The following CELSR2 variants were observed in gnomAD, a reference collection of about 807,000 sequenced individuals.
CELSR2 encodes cadherin EGF LAG seven-pass G-type receptor 2.
In CELSR2, 81 loss-of-function variants were observed where a neutral mutation model predicts 251.6. That is an observed-to-expected ratio of 0.32 (90% CI 0.27 to 0.39). The LOEUF (loss-of-function observed/expected upper bound fraction) is 0.39, where lower values mean the gene tolerates loss of function less well. CELSR2 is among the 10% of genes least tolerant of loss of function. The probability of loss-of-function intolerance (pLI) is 1.00; values close to 1 mark genes in which losing one functional copy is unlikely to be tolerated. For missense variants in CELSR2, 3,365 were observed against 3,947.7 expected (o/e 0.85, Z 3.96); for synonymous variants, 1,721 against 1,670.5 (o/e 1.03, Z -0.74).
At position 109,262,311 on chromosome 1, in the gene CELSR2, C is replaced by A. The variant is rs539222308; in HGVS notation, c.4411C>A (p.Pro1471Thr). ...GCCACTGTTGGGTCAGACAGGGCTC[C>A]CACAGGGCCCATCAGAGCAGAAGGT... Reference protein sequence around the residue: ...NKPLLGQTGLPQGPSEQKVAV... With the variant: ...NKPLLGQTGLTQGPSEQKVAV... Residue 1471 changes from proline to threonine, a missense_variant, in exon 6 of 34, where the codon CCA (proline) becomes ACA (threonine). Transcript: ENST00000271332. The A allele has an allele frequency of 1.1e-5, 17 of 1,614,110 alleles. No individual in the cohort carries two copies. The East Asian group carries it at 3.8e-4, about 36-fold the overall frequency.
Position 109,251,698 on chromosome 1 carries a change from TG to T in CELSR2, c.1621del (p.Glu541AsnfsTer40). On this transcript the variant is annotated frameshift_variant, in exon 1 of 34. Coordinates refer to ENST00000271332, the MANE Select transcript of CELSR2 (RefSeq NM_001408.3). LOFTEE classifies it high-confidence loss of function. This position sits in a 1 kb window ranked among gnomAD's most constrained non-coding sequence, Gnocchi z 4.9. ...IDADAGDNAR[L>X]EYRLAGVGHD... is the part of the protein sequence containing the mutation. ...GCTGATGCTGGTGACAATGCCCGCC[TG>T]GAATACCGCCTTGCTGGGGTGGGAC... 1 of 1,614,106 alleles carries T rather than the reference TG, an allele frequency of 6.2e-7. No individual in the cohort carries two copies. Among genetic ancestry groups the T allele is most frequent in the Non-Finnish European group, 8.5e-7 (1 of 1,180,030 alleles).
chr1:109,272,757 C>A (rs1264886059), intron 30 of CELSR2, 29 bp downstream of exon 30: 14 of 1,613,278 alleles, frequency 8.7e-6, no homozygotes, highest in Non-Finnish European at 7.6e-6. Flanking sequence ...GGCCACCCAG[C>A]AGGGCAGTTG....
chr1:109,259,064 C>T lies in CELSR2; in HGVS notation c.3943C>T (p.Arg1315Cys). The T allele has an allele frequency of 1.3e-6, 2 of 1,589,378 alleles. No homozygotes were observed. Among genetic ancestry groups the T allele is most frequent in the South Asian group, 1.1e-5 (1 of 89,178 alleles). ...SREGGYTCLC[R>C]DGYTGEHCEV... ...CGAGGGCGGCTACACCTGCCTCTGT[C>T]GTGATGGCTACACGGGTGAGCCAAG... The change falls in exon 2 of 34, where the codon CGT becomes TGT. Residue 1315 changes from arginine to cysteine, a missense_variant. Around this residue, in one of 5 missense-constraint regions of CELSR2, gnomAD observed 2,093 missense variants for 2,382.8 expected, o/e 0.88. Transcript: ENST00000271332.
chr1:109,267,989 C>A lies in CELSR2; in HGVS notation c.6247C>A (p.Arg2083=). 6.2e-7 allele frequency: 1 copy of A among 1,610,700 alleles called. No individual in the cohort carries two copies. The highest frequency in any genetic ancestry group is 8.5e-7 in the Non-Finnish European group (1 of 1,179,698). The change falls in exon 17 of 34, where the codon CGG becomes AGG. Residue 2083 remains arginine, a synonymous_variant. Transcript: ENST00000271332. The part of the protein sequence containing the change: ...DVKVAYQLAT[R]LLAHESTQRG... ...CAAGGTGGCCTACCAGCTGGCCACGCGGCTGCTGGCCCACGAGAGCACCCA... is the reference window on the plus strand; with the variant it reads ...CAAGGTGGCCTACCAGCTGGCCACGAGGCTGCTGGCCCACGAGAGCACCCA...
intron 10 of CELSR2, 38 bp downstream of exon 10, chr1:109,264,403 C>T (rs45503591): frequency 1.3e-6 from 2 of 1,597,234 alleles, no homozygotes; most frequent in Admixed American, 1.7e-5. Flanking sequence ...CCCTCCCCCA[C>T]CACCTGCAGC....
rs751002324 is a variant in CELSR2, at chr1:109,269,037, A to G, written c.6631+29A>G. Reference sequence around the variant, plus strand: ...AGTGGTGGCCATGGATTGAGTTGGGAGCTGGACCCCAGTGTCTGTGCAGAC... The same window carrying G: ...AGTGGTGGCCATGGATTGAGTTGGGGGCTGGACCCCAGTGTCTGTGCAGAC... On this transcript the variant is annotated intron_variant, in intron 19 of 33. Coordinates refer to ENST00000271332, the MANE Select transcript of CELSR2 (RefSeq NM_001408.3). This position sits in a 1 kb window ranked among gnomAD's most constrained non-coding sequence, Gnocchi z 6.4. The G allele has an allele frequency of 4.8e-5, 77 of 1,602,710 alleles. No homozygotes were observed. Among genetic ancestry groups the G allele is most frequent in the Non-Finnish European group, 6.4e-5 (75 of 1,171,696 alleles).
At chr1:109,272,778 A>T in intron 30 of CELSR2, 50 bp downstream of exon 30, 2 of 1,612,980 alleles carry the variant, frequency 1.2e-6, no homozygotes, top group Non-Finnish European at 1.7e-6. Context: ...GCTGGCTTTT[A>T]CTGAAGGTGG....
chr1:109,252,368 C>T lies in CELSR2; in HGVS notation c.2289C>T (p.Asp763=). Residue 763 remains aspartate (D), a synonymous_variant, in exon 1 of 34, where the codon GAC becomes GAT. Transcript: ENST00000271332. The surrounding 1 kb of genome is among the most constrained non-coding windows in gnomAD (Gnocchi z 4.8). ...DSIPQFRIDA[D]TGAVTTQAEL... ...TCCCCCAGTTCCGCATCGATGCAGA[C>T]ACGGGGGCTGTCACCACCCAGGCTG... 6.2e-7 allele frequency: 1 copy of T among 1,613,062 alleles called. No homozygotes were observed. Among genetic ancestry groups the T allele is most frequent in the Non-Finnish European group, 8.5e-7 (1 of 1,180,022 alleles).
chr1:109,271,274 G>A lies in CELSR2; in HGVS notation c.7654G>A (p.Gly2552Ser). The A allele has an allele frequency of 6.2e-7, 1 of 1,614,028 alleles. No homozygotes were observed. Among genetic ancestry groups the A allele is most frequent in the Non-Finnish European group, 8.5e-7 (1 of 1,180,026 alleles). ...ARASCAAQRQ[G>S]FEKKGPVSGL... ...GGCCTCCTGTGCTGCCCAGCGGCAGGGCTTTGAGAAGAAAGGTCCTGTGTG... is the reference window on the plus strand; with the variant it reads ...GGCCTCCTGTGCTGCCCAGCGGCAGAGCTTTGAGAAGAAAGGTCCTGTGTG... Residue 2552 changes from glycine to serine, a missense_variant, in exon 26 of 34, where the codon GGC becomes AGC. Gly to Ser is a moderately conservative substitution (Grantham distance 56). This residue lies in a region of CELSR2 where 2,093 missense variants were observed against 2,382.8 expected (regional missense o/e 0.88). Transcript: ENST00000271332.
intron 18 of CELSR2, 44 bp downstream of exon 18, chr1:109,268,808 C>A (rs1230415147): frequency 6.3e-7 from 1 of 1,582,458 alleles, no homozygotes. Flanking sequence ...TGGAGGGAGT[C>A]CCCGACAAGA....
chr1:109,252,266 C>T lies in CELSR2; in HGVS notation c.2187C>T (p.Thr729=), dbSNP rs774211002. ...VNVNEDRPAG[T]TVVLISATDE... is the part of the protein sequence containing the mutation. ...TTAATGAGGACCGGCCGGCAGGCAC[C>T]ACGGTGGTGCTGATCAGCGCCACGG... Residue 729 remains threonine, a synonymous_variant, in exon 1 of 34, where the codon ACC becomes ACT. Transcript: ENST00000271332. The surrounding 1 kb of genome is among the most constrained non-coding windows in gnomAD (Gnocchi z 4.8). 1 of 1,613,222 alleles carries T rather than the reference C, an allele frequency of 6.2e-7. No homozygotes were observed. The highest frequency in any genetic ancestry group is 1.3e-5 in the African/African-American group (1 of 74,930).
rs1364821246 is a variant in CELSR2, at chr1:109,272,667, A to G, written c.8082A>G (p.Gln2694=). ...LREESALNPG[Q]GPPGLGDPGS... Reference sequence around the variant, plus strand: ...AGGAGTCCGCACTGAACCCTGGCCAAGGGCCCCCTGGCCTGGGGGATCCAG... The same window carrying G: ...AGGAGTCCGCACTGAACCCTGGCCAGGGGCCCCCTGGCCTGGGGGATCCAG... Residue 2694 remains glutamine (Q), a synonymous_variant, in exon 30 of 34, where the codon CAA becomes CAG. Coordinates refer to ENST00000271332, the MANE Select transcript of CELSR2 (RefSeq NM_001408.3). 8 of 1,613,614 alleles carry G rather than the reference A, an allele frequency of 5.0e-6. No individual in the cohort carries two copies. The highest frequency in any genetic ancestry group is 6.8e-6 in the Non-Finnish European group (8 of 1,179,850).
intron 2 of CELSR2, among the ~76,000 whole-genome samples, chr1:109,259,838 AAGGTCTTTAC>A (rs773588273): frequency 2.6e-5 from 4 of 152,084 alleles, no homozygotes; most frequent in Admixed American, 1.3e-4. Context: ...CCTGTCAGCC[AAGGTCTTTAC>A]ACATCCTGCT....
rs555080371 is a variant in CELSR2, at chr1:109,268,193, C to T, written c.6318+133C>T. On this transcript the variant is annotated intron_variant, in intron 17 of 33. Transcript: ENST00000271332. ...GGAGCTCCCTGCTGGCAGGAGGCCTCCATGAAACCCTGTGACCCCTGGCCC... is the reference window on the plus strand; with the variant it reads ...GGAGCTCCCTGCTGGCAGGAGGCCTTCATGAAACCCTGTGACCCCTGGCCC... The T allele has an allele frequency of 1.4e-5, 18 of 1,326,732 alleles. No homozygotes were observed. In the African/African-American group the frequency reaches 2.2e-4, roughly 16 times the overall value. 82.2% of individuals were successfully genotyped at this position (1,326,732 alleles called of 1,614,324 possible).
intron 1 of CELSR2, among the ~76,000 whole-genome samples, chr1:109,257,017 A>G (rs1655867241): frequency 6.6e-6 from 1 of 152,240 alleles, no homozygotes; most frequent in South Asian, 2.1e-4. Context: ...TGTCATCCAC[A>G]TCTCAGTGTT....
chr1:109,259,533 C>T lies in CELSR2; in HGVS notation c.3958+454C>T, dbSNP rs558786122. ...AGGTGTTGGCCTTGATTTAAGGGAA[C>T]GCTGAGATTGGGTGACTTGCTCCTG... On this transcript the variant is annotated intron_variant, in intron 2 of 33. Coordinates refer to ENST00000271332, the MANE Select transcript of CELSR2 (RefSeq NM_001408.3). 5.9e-5 allele frequency among the ~76,000 whole-genome samples: 9 copies of T among 152,242 alleles called. No individual in the cohort carries two copies. In the South Asian group the frequency reaches 1.2e-3, roughly 21 times the overall value.
intron 2 of CELSR2, among the ~76,000 whole-genome samples, chr1:109,260,021 G>A (rs112172017): frequency 0.069 from 10,404 of 151,688 alleles, 589 homozygotes; most frequent in African/African-American, 0.15. Context: ...GGCTCTGCCA[G>A]CAGCCATAGG....
At chr1:109,270,639 C>G in intron 24 of CELSR2, 39 bp downstream of exon 24, 1 of 1,601,470 alleles carries the variant, frequency 6.2e-7, no homozygotes. Flanking sequence ...TCCCACATCC[C>G]TGGGTCCACC....
chr1:109,263,397 A>G (rs1656082206), intron 8 of CELSR2, 130 bp downstream of exon 8: 1 of 1,421,948 alleles, frequency 7.0e-7, no homozygotes, highest in African/African-American at 1.4e-5. Context: ...GTCTGGGCAG[A>G]GCCCTGAAAG....
Sources: gnomAD v4.1 joint callset for allele counts (sites outside exome capture counted in the v4.1 genomes callset) on GRCh38, gnomAD v4.1.1 for gene constraint, gnomAD v4.1.1 regional missense constraint, Gnocchi (gnomAD v3.1) non-coding constraint, MANE v1.5 for transcripts, NCBI Gene and HGNC (gene_info 2026-07-23, HGNC 2026-07-21) for gene names.